PAK6: variants seen among roughly 807,000 people sequenced by gnomAD.
PAK6 encodes the protein p21 (RAC1) activated kinase 6.
A neutral mutation model predicts 60.8 loss-of-function variants in PAK6; 33 were observed. The ratio of observed to expected loss-of-function variants is 0.54; its 90% confidence interval spans 0.41 to 0.73. The LOEUF (loss-of-function observed/expected upper bound fraction) is 0.73. Ranked by LOEUF, PAK6 falls within the 30% of genes least tolerant of loss-of-function variation. The pLI is 0.00. For synonymous variants in PAK6, 404 were observed against 378.5 expected (o/e 1.07, Z -0.78); for missense variants, 845 against 904.1 (o/e 0.93, Z 0.84).
At chr15:40,253,246 G>C (rs966900900) in exon 3 of PAK6, 1 of 455,958 alleles carries the variant, frequency 2.2e-6, no homozygotes, top group African/African-American at 2.0e-5. Context: ...GAGAGGCCCA[G>C]TGCGGGTGAG....
At chr15:40,242,253 G>A (rs182838805) in intron 2 of PAK6, among the ~76,000 whole-genome samples, 1 of 152,334 alleles carries the variant, frequency 6.6e-6, no homozygotes, top group Admixed American at 6.5e-5. Flanking sequence ...TGACTGGGCA[G>A]GGAAGAGGCT....
At chr15:40,276,309 T>C in exon 11 of PAK6, 1 of 571,960 alleles carries the variant, frequency 1.7e-6, no homozygotes, top group Admixed American at 3.2e-5. Flanking sequence ...TGGAGACCCC[T>C]TTCTACAGGA....
exon 6 of PAK6, chr15:40,272,517 T>C: frequency 1.9e-6 from 3 of 1,613,788 alleles, no homozygotes; most frequent in South Asian, 2.2e-5. Context: ...ACACAGGTGT[T>C]GTGACACATG....
chr15:40,263,135 C>T (rs2039027626), intron 3 of PAK6, among the ~76,000 whole-genome samples: 1 of 152,194 alleles, frequency 6.6e-6, no homozygotes, highest in African/African-American at 2.4e-5. Flanking sequence ...CCAGCTGCCT[C>T]CCAGATCTGC....
rs370577038 is a variant in PAK6 at position 40,261,231 on chromosome 15, T to C, written c.-5-3550T>C. On this transcript the variant is annotated intron_variant, in intron 3 of 10. Transcript: ENST00000560346. ...TTGTTACTGGTATGTAGAAATCCAG[T>C]TGATTTTTTAAAATATTGACCTTGA... 7.2e-5 allele frequency among the ~76,000 whole-genome samples: 11 copies of C among 151,752 alleles called. No individual in the cohort carries two copies. The South Asian group carries it at 1.7e-3, about 23-fold the overall frequency.
At chr15:40,267,782 C>T (rs976623914) in intron 5 of PAK6, among the ~76,000 whole-genome samples, 1 of 152,218 alleles carries the variant, frequency 6.6e-6, no homozygotes, top group African/African-American at 2.4e-5. Context: ...ACACGAGCAT[C>T]TGTGAGCTGC....
chr15:40,241,669 G>A (rs1305314186), intron 2 of PAK6, among the ~76,000 whole-genome samples: 1 of 152,196 alleles, frequency 6.6e-6, no homozygotes, highest in East Asian at 1.9e-4. Flanking sequence ...GAGGGGGAGT[G>A]TGGGGACTGC....
At chr15:40,248,602 G>A (rs2038562150) in intron 2 of PAK6, among the ~76,000 whole-genome samples, 1 of 152,194 alleles carries the variant, frequency 6.6e-6, no homozygotes, top group Non-Finnish European at 1.5e-5. Context: ...GGAAAGCCTA[G>A]CACCTGATTC....
intron 9 of PAK6, 114 bp downstream of exon 9, chr15:40,273,790 C>A: frequency 7.8e-7 from 1 of 1,279,776 alleles, no homozygotes; most frequent in Non-Finnish European, 1.1e-6. Context: ...TTCAGAGTCC[C>A]ACCTAGTCAA....
intron 5 of PAK6, among the ~76,000 whole-genome samples, chr15:40,268,883 G>C (rs1158190217): frequency 6.6e-6 from 1 of 152,222 alleles, no homozygotes; most frequent in Non-Finnish European, 1.5e-5. Flanking sequence ...TGGGATTGCA[G>C]CATGGGAGTC....
exon 11 of PAK6, chr15:40,276,382 C>G: frequency 2.5e-6 from 1 of 400,606 alleles, no homozygotes; most frequent in Non-Finnish European, 4.5e-6. Flanking sequence ...TTCCTGGCCT[C>G]TGCAGCCAAC....
chr15:40,265,821 T>C, intron 4 of PAK6, 21 bp from the exon 5 acceptor site: 1 of 1,503,740 alleles, frequency 6.7e-7, no homozygotes, highest in Non-Finnish European at 8.9e-7. Context: ...TCCCACACAC[T>C]CTTTTCTCTT....
chr15:40,266,394 G>A, exon 5 of PAK6: 1 of 1,613,226 alleles, frequency 6.2e-7, no homozygotes, highest in Non-Finnish European at 8.5e-7. Context: ...TAAGACCCGG[G>A]AGAGCAGCCT....
intron 7 of PAK6, 124 bp from the exon 8 acceptor site, chr15:40,273,222 C>T: frequency 7.8e-7 from 1 of 1,274,040 alleles, no homozygotes; most frequent in Non-Finnish European, 1.1e-6. Context: ...CCTGACTGTG[C>T]TGCCAAACAG....
intron 5 of PAK6, among the ~76,000 whole-genome samples, chr15:40,267,339 T>C (rs957531049): frequency 3.9e-5 from 6 of 152,158 alleles, no homozygotes; most frequent in Admixed American, 3.9e-4. Context: ...TCTGGGTCAC[T>C]GCCTGCCAGC....
intron 6 of PAK6, 48 bp from the exon 7 acceptor site, chr15:40,272,818 A>G (rs2039347357): frequency 6.2e-7 from 1 of 1,600,050 alleles, no homozygotes; most frequent in South Asian, 1.1e-5. Context: ...GTGGGTGGCC[A>G]TGCGTCTGGG....
At chr15:40,255,224 A>G (rs1300733601) in intron 3 of PAK6, among the ~76,000 whole-genome samples, 1 of 151,996 alleles carries the variant, frequency 6.6e-6, no homozygotes, top group Non-Finnish European at 1.5e-5. Context: ...GCGGTGGCTC[A>G]CGCCTGTTGA....
chr15:40,269,154 G>C (rs1257823959), intron 5 of PAK6, among the ~76,000 whole-genome samples: 1 of 152,110 alleles, frequency 6.6e-6, no homozygotes, highest in South Asian at 2.1e-4. Context: ...AAGTAGCTGG[G>C]ATTACAGGCA....
chr15:40,241,786 A>C (rs1476870852), intron 2 of PAK6, among the ~76,000 whole-genome samples: 2 of 152,326 alleles, frequency 1.3e-5, no homozygotes, highest in East Asian at 3.9e-4. Context: ...TCTCCAGCCA[A>C]GGAAAGCCCG....
Sources: allele counts gnomAD v4.1 joint callset (sites outside exome capture counted in the v4.1 genomes callset), GRCh38; gene constraint gnomAD v4.1.1; transcripts MANE v1.5; gene names NCBI Gene and HGNC (gene_info 2026-07-23, HGNC 2026-07-21).